The following RGPD2 variants were observed in gnomAD, a reference collection of about 807,000 sequenced individuals.
RGPD2 encodes the protein RANBP2 like and GRIP domain containing 2.
A neutral mutation model predicts 36.0 loss-of-function variants in RGPD2; 2 were observed. That is an observed-to-expected ratio of 0.06 (90% CI 0.02 to 0.17). RGPD2 has a LOEUF of 0.17. Ranked by LOEUF, RGPD2 falls within the 10% of genes least tolerant of loss-of-function variation. The pLI is 1.00. For missense variants in RGPD2, 40 were observed against 464.3 expected (o/e 0.09, Z 8.40); for synonymous variants, 19 against 163.8 (o/e 0.12, Z 6.75).
chr2:87,962,083 C>G, the RGPD2 span, among the ~76,000 whole-genome samples: 3 of 147,224 alleles, frequency 2.0e-5, no homozygotes, highest in African/African-American at 7.5e-5. Context: ...ATATATTTCA[C>G]TAGCAGAATA....
At chr2:87,924,637 G>T in the RGPD2 span, among the ~76,000 whole-genome samples, 1 of 151,844 alleles carries the variant, frequency 6.6e-6, no homozygotes, top group African/African-American at 2.4e-5. Flanking sequence ...TAGCTAAGAA[G>T]CTCAGTCTGG....
chr2:87,933,444 T>C, the RGPD2 span, among the ~76,000 whole-genome samples: 2 of 136,482 alleles, frequency 1.5e-5, no homozygotes, highest in South Asian at 2.2e-4. Context: ...ATATGCAATA[T>C]AAAAGCAGAC....
intron 22 of RGPD2, among the ~76,000 whole-genome samples, chr2:87,769,614 A>G (rs1312817757): frequency 5.9e-5 from 9 of 151,860 alleles, no homozygotes; most frequent in African/African-American, 2.2e-4. Flanking sequence ...TACATTAAAC[A>G]TGCTGAGCTT....
the RGPD2 span, among the ~76,000 whole-genome samples, chr2:87,884,237 T>C: frequency 6.6e-6 from 1 of 151,900 alleles, no homozygotes; most frequent in African/African-American, 2.4e-5. Context: ...ATTTAAATAA[T>C]ATCTTGAGAA....
chr2:87,823,666 ATGG>A (rs1306328842), intron 1 of RGPD2, among the ~76,000 whole-genome samples: 1 of 134,522 alleles, frequency 7.4e-6, no homozygotes, highest in Non-Finnish European at 1.6e-5. Flanking sequence ...AATGTCTAAA[ATGG>A]GAGAAAGGGA....
At chr2:87,884,953 C>A in the RGPD2 span, among the ~76,000 whole-genome samples, 3 of 152,144 alleles carry the variant, frequency 2.0e-5, no homozygotes, top group Admixed American at 2.0e-4. Flanking sequence ...CCAGCCTCAC[C>A]ATGATACCAA....
chr2:87,839,794 G>T, the RGPD2 span, among the ~76,000 whole-genome samples: 1 of 151,898 alleles, frequency 6.6e-6, no homozygotes, highest in Non-Finnish European at 1.5e-5. Context: ...TGAGGAGGGT[G>T]AGGATTGAAA....
At chr2:87,857,405 C>T in the RGPD2 span, among the ~76,000 whole-genome samples, 3 of 151,478 alleles carry the variant, frequency 2.0e-5, no homozygotes, top group Admixed American at 6.6e-5. Context: ...TGCAGTGGTG[C>T]AATCTCAGCT....
chr2:87,968,677 T>C, the RGPD2 span: 3 of 216,248 alleles, frequency 1.4e-5, no homozygotes, highest in Non-Finnish European at 2.7e-5. Flanking sequence ...ATAGGACATG[T>C]CTTCGGAAAC....
chr2:87,909,372 G>A, the RGPD2 span, among the ~76,000 whole-genome samples: 1 of 85,542 alleles, frequency 1.2e-5, no homozygotes, highest in African/African-American at 4.7e-5. Flanking sequence ...CTCTGCAAAT[G>A]TCTTTGCAGC....
intron 6 of RGPD2, among the ~76,000 whole-genome samples, chr2:87,809,473 CCTGG>C (rs1290216895): frequency 7.1e-6 from 1 of 141,720 alleles, no homozygotes; most frequent in Non-Finnish European, 1.5e-5. Flanking sequence ...TCGAGACCAT[CCTGG>C]CTAACAGGGT....
chr2:87,929,521 T>G, the RGPD2 span, among the ~76,000 whole-genome samples: 18 of 140,516 alleles, frequency 1.3e-4, no homozygotes, highest in African/African-American at 4.3e-4. Context: ...GTGTGTGTGT[T>G]TTGCTTAGGA....
At chr2:87,988,567 G>A in the RGPD2 span, among the ~76,000 whole-genome samples, 1 of 77,518 alleles carries the variant, frequency 1.3e-5, no homozygotes, top group African/African-American at 3.4e-5. Flanking sequence ...TTGAGACTGA[G>A]TCTCACTCTA....
the RGPD2 span, among the ~76,000 whole-genome samples, chr2:87,947,762 T>C: frequency 2.6e-5 from 4 of 152,294 alleles, no homozygotes; most frequent in Admixed American, 6.5e-5. Flanking sequence ...GGTCATAAAA[T>C]AGATGAAACC....
the RGPD2 span, among the ~76,000 whole-genome samples, chr2:87,881,335 T>C: frequency 5.3e-5 from 8 of 152,276 alleles, no homozygotes; most frequent in African/African-American, 1.2e-4. Context: ...GTACACTGTG[T>C]GGTGCCTTCA....
chr2:87,861,216 T>C, the RGPD2 span, among the ~76,000 whole-genome samples: 2 of 151,024 alleles, frequency 1.3e-5, no homozygotes, highest in African/African-American at 4.8e-5. Flanking sequence ...ATAAGGTTTC[T>C]CTTTATTATA....
the RGPD2 span, among the ~76,000 whole-genome samples, chr2:87,965,055 G>C: frequency 6.7e-6 from 1 of 148,936 alleles, no homozygotes; most frequent in African/African-American, 2.4e-5. Context: ...AGAACCACCT[G>C]ACATGAGTTT....
the RGPD2 span, among the ~76,000 whole-genome samples, chr2:87,940,756 TAAGAACTTAGGCAA>T: frequency 6.7e-6 from 1 of 150,110 alleles, no homozygotes; most frequent in Non-Finnish European, 1.5e-5. Flanking sequence ...AATTTCATGC[TAAGAACTTAGGCAA>T]ACAAAATAAT....
At chr2:87,978,263 T>C in the RGPD2 span, among the ~76,000 whole-genome samples, 3 of 151,834 alleles carry the variant, frequency 2.0e-5, no homozygotes, top group Non-Finnish European at 4.4e-5. Flanking sequence ...CTTCACCAGC[T>C]TACATATTTT....
Sources: gnomAD v4.1 joint callset for allele counts (sites outside exome capture counted in the v4.1 genomes callset) on GRCh38, gnomAD v4.1.1 for gene constraint, MANE v1.5 for transcripts, NCBI Gene and HGNC (gene_info 2026-07-23, HGNC 2026-07-21) for gene names.